OTOGL: variants seen among roughly 807,000 people sequenced by gnomAD.
The protein encoded by OTOGL is otogelin-like protein.
OTOGL carries 285 observed loss-of-function variants against 318.5 expected under a neutral mutation model. The ratio of observed to expected loss-of-function variants is 0.89; its 90% CI spans 0.81 to 0.99. The LOEUF is 0.99. Ranked by LOEUF, OTOGL falls within the 50% of genes least tolerant of loss-of-function variation. OTOGL has a pLI of 0.00. For missense variants in OTOGL, 2,899 were observed against 2,845.6 expected (o/e 1.02, Z -0.43); for synonymous variants, 987 against 936.5 (o/e 1.05, Z -0.99).
chr12:80,260,385 CTTTG>C (rs775587176), intron 18 of OTOGL, among the ~76,000 whole-genome samples: 25 of 152,052 alleles, frequency 1.6e-4, no homozygotes, highest in Non-Finnish European at 2.5e-4. Context: ...GTTTTCTCTT[CTTTG>C]TTTGTCACAA....
At chr12:80,154,179 C>T (rs962925333) in intron 1 of OTOGL, among the ~76,000 whole-genome samples, 2 of 152,178 alleles carry the variant, frequency 1.3e-5, no homozygotes, top group East Asian at 3.9e-4. Flanking sequence ...CATGGTGGCT[C>T]ACGCCTGTAG....
chr12:80,227,175 G>T (rs928288390), intron 7 of OTOGL, among the ~76,000 whole-genome samples: 1 of 151,642 alleles, frequency 6.6e-6, no homozygotes, highest in Non-Finnish European at 1.5e-5. Flanking sequence ...TCTACATTTC[G>T]GGATATTTCT....
At chr12:80,308,956 GGAAAGAGA>G (rs1565973647) in intron 29 of OTOGL, among the ~76,000 whole-genome samples, 2 of 148,040 alleles carry the variant, frequency 1.4e-5, no homozygotes, top group South Asian at 2.2e-4. Flanking sequence ...GGGAGACCGT[GGAAAGAGA>G]GGGAGAGGGA....
rs1370177796 is a variant in OTOGL at position 80,378,699 on chromosome 12, C to T, written c.*651C>T. On this transcript the variant is annotated 3_prime_UTR_variant, in exon 59 of 59. Coordinates refer to ENST00000547103, the MANE Select transcript of OTOGL (RefSeq NM_001378609.3). ...ATCCTAGCTCTCTCTTATTCCAGTA[C>T]TATATCACTTTTAAAATCCTGAGCA... 6.6e-6 allele frequency: 1 copy of T among 152,004 alleles called. No homozygotes were observed. Among genetic ancestry groups the T allele is most frequent in the Non-Finnish European group, 1.5e-5 (1 of 67,920 alleles). 9.4% of individuals were successfully genotyped at this position (152,004 alleles called of 1,614,324 possible). A position where few individuals can be genotyped will look rare whatever the true frequency, so the allele number is the denominator to read the frequency against.
At chr12:80,165,618 C>T (rs990598226) in intron 1 of OTOGL, among the ~76,000 whole-genome samples, 6 of 152,198 alleles carry the variant, frequency 3.9e-5, no homozygotes, top group Non-Finnish European at 5.9e-5. Flanking sequence ...TGATTGGATG[C>T]ACCAGTAAGG....
chr12:80,206,144 A>C (rs1876792097), intron 1 of OTOGL, among the ~76,000 whole-genome samples: 2 of 152,214 alleles, frequency 1.3e-5, no homozygotes, highest in African/African-American at 4.8e-5. Context: ...GTGGAATGAA[A>C]TATAAAAGCT....
chr12:80,261,447 G>T (rs954572979), intron 18 of OTOGL, among the ~76,000 whole-genome samples: 8 of 152,002 alleles, frequency 5.3e-5, no homozygotes, highest in Admixed American at 2.0e-4. Context: ...TGATATTTCG[G>T]ATCTCATAAT....
At chr12:80,153,378 G>T (rs1049554600) in intron 1 of OTOGL, among the ~76,000 whole-genome samples, 2 of 152,168 alleles carry the variant, frequency 1.3e-5, no homozygotes, top group South Asian at 2.1e-4. Context: ...CCCCTCAAAG[G>T]CTCCACCTCC....
chr12:80,103,222 G>T, intron 1 of OTOGL: 1 of 1,450,472 alleles, frequency 6.9e-7, no homozygotes. Context: ...TTCTGTCTCA[G>T]CTCTTTGGAA....
intron 34 of OTOGL, among the ~76,000 whole-genome samples, chr12:80,323,476 C>T (rs1887477501): frequency 6.6e-6 from 1 of 152,018 alleles, no homozygotes; most frequent in Non-Finnish European, 1.5e-5. Flanking sequence ...AGGCAAAACC[C>T]CGTCTCTATT....
chr12:80,179,696 C>T (rs111464618), intron 1 of OTOGL, among the ~76,000 whole-genome samples: 206 of 152,260 alleles, frequency 1.4e-3, no homozygotes, highest in African/African-American at 4.3e-3. Context: ...AAAATGTGGC[C>T]AGGGCATTCA....
At chr12:80,336,889 G>A in intron 41 of OTOGL, 23 bp from the exon 42 acceptor site, 5 of 1,552,826 alleles carry the variant, frequency 3.2e-6, no homozygotes, top group Non-Finnish European at 4.4e-6. Flanking sequence ...ACTCCGTAAA[G>A]TTTTAATTTT....
chr12:80,167,942 TCCTCTCCTCTCCTTG>T (rs1445196340), intron 1 of OTOGL, among the ~76,000 whole-genome samples: 3 of 151,898 alleles, frequency 2.0e-5, no homozygotes, highest in South Asian at 2.1e-4. Context: ...TTTTCTTTTC[TCCTCTCCTCTCCTTG>T]CCTCTCCTCT....
chr12:80,380,005 A>G lies in OTOGL; in HGVS notation c.*1957A>G, dbSNP rs754711883. On this transcript the variant is annotated 3_prime_UTR_variant, in exon 59 of 59. Coordinates refer to ENST00000547103, the MANE Select transcript of OTOGL (RefSeq NM_001378609.3). ...AACTTATTAGAATGTGGCATATCAT[A>G]AAGATGACTCTGAAATCAGTGGAAG... 3.9e-5 allele frequency: 6 copies of G among 152,084 alleles called. No homozygotes were observed. Among genetic ancestry groups the G allele is most frequent in the Admixed American group, 1.3e-4 (2 of 15,264 alleles). The allele number at this position is 152,084 out of a possible 1,614,324, so 9.4% of individuals were successfully genotyped here.
At chr12:80,186,626 C>T (rs1875310272) in intron 1 of OTOGL, among the ~76,000 whole-genome samples, 1 of 152,122 alleles carries the variant, frequency 6.6e-6, no homozygotes, top group African/African-American at 2.4e-5. Flanking sequence ...TCTTTATTTT[C>T]AGACGTATCG....
chr12:80,227,595 A>G (rs1878979623), intron 7 of OTOGL, among the ~76,000 whole-genome samples: 1 of 152,162 alleles, frequency 6.6e-6, no homozygotes, highest in South Asian at 2.1e-4. Context: ...TTCATTAGAT[A>G]AACCCCCAAA....
chr12:80,255,021 T>G lies in OTOGL; in HGVS notation c.1442-19T>G. ...CCACCTCCTTTTCTTTTTCTTTGTT[T>G]TCTTTTTTTTTTTGGCAGTTCAATG... On this transcript the variant is annotated intron_variant, in intron 15 of 58. Coordinates refer to ENST00000547103, the MANE Select transcript of OTOGL (RefSeq NM_001378609.3). The G allele has an allele frequency of 3.5e-6, 5 of 1,435,990 alleles. No homozygotes were observed. Among genetic ancestry groups the G allele is most frequent in the Non-Finnish European group, 4.6e-6 (5 of 1,097,868 alleles). 89.0% of individuals were successfully genotyped at this position (1,435,990 alleles called of 1,614,324 possible).
chr12:80,209,441 G>T lies in OTOGL; in HGVS notation c.10G>T (p.Val4Leu), dbSNP rs1345973178. Residue 4 changes from valine to leucine, a missense_variant, in exon 2 of 59, where the codon GTA becomes TTA. Val to Leu is a conservative substitution (Grantham distance 32, BLOSUM62 1). This residue lies in a region of OTOGL where 2,607 missense variants were observed against 2,524.9 expected (regional missense o/e 1.03). Coordinates refer to ENST00000547103, the MANE Select transcript of OTOGL (RefSeq NM_001378609.3). ...GAAAGGCTACACTGAAATGAACATT[G>T]TAAGAAAACTCAATTTAATGATACC... MNI[V>L]RKLNLMIPWS... 2 of 1,501,890 alleles carry T rather than the reference G, an allele frequency of 1.3e-6. No homozygotes were observed. The highest frequency in any genetic ancestry group is 1.8e-6 in the Non-Finnish European group (2 of 1,125,460). 93.0% of individuals were successfully genotyped at this position (1,501,890 alleles called of 1,614,324 possible).
chr12:80,221,940 C>T (rs1314556487), intron 6 of OTOGL, 151 bp from the exon 7 acceptor site: 4 of 765,350 alleles, frequency 5.2e-6, no homozygotes, highest in Non-Finnish European at 5.7e-6. Context: ...TTGAGAGCAA[C>T]TGTTAATTTT....
Sources: gnomAD v4.1 joint callset for allele counts (sites outside exome capture counted in the v4.1 genomes callset) on GRCh38, gnomAD v4.1.1 for gene constraint, gnomAD v4.1.1 regional missense constraint, MANE v1.5 for transcripts, NCBI Gene and HGNC (gene_info 2026-07-23, HGNC 2026-07-21) for gene names.